The following YAP1 variants were observed in gnomAD, a reference collection of about 807,000 sequenced individuals.
The protein encoded by YAP1 is Yes1 associated transcriptional regulator.
A neutral mutation model predicts 56.9 loss-of-function variants in YAP1; 5 were observed. That is an observed-to-expected ratio of 0.09 (90% CI 0.05 to 0.18). The LOEUF (loss-of-function observed/expected upper bound fraction) is 0.18, where lower values mean the gene tolerates loss of function less well. Among genes scored for constraint, YAP1 ranks in the 10% least tolerant of loss-of-function variants. The pLI is 1.00. For missense variants in YAP1, 539 were observed against 651.8 expected (o/e 0.83, Z 1.88); for synonymous variants, 265 against 248.1 (o/e 1.07, Z -0.64).
In YAP1 at chr11:102,110,631, G is replaced by A. The variant is rs1942828509; in HGVS notation, c.-218G>A. On this transcript the variant is annotated 5_prime_UTR_variant, in exon 1 of 9. Transcript: ENST00000282441. ...GCCTCGCAGCCCCTCCCGAGGCGCA[G>A]CCGCCAGACCAGTGGAGCCGGGGCG... 7.4e-6 allele frequency: 2 copies of A among 269,836 alleles called. No individual in the cohort carries two copies. Among genetic ancestry groups the A allele is most frequent in the African/African-American group, 2.3e-5 (1 of 44,280 alleles). 16.7% of individuals were successfully genotyped at this position (269,836 alleles called of 1,614,324 possible).
intron 2 of YAP1, among the ~76,000 whole-genome samples, chr11:102,158,039 C>T (rs1012773350): frequency 7.9e-5 from 12 of 152,118 alleles, no homozygotes; most frequent in Non-Finnish European, 1.5e-4. Context: ...TCTGACATCA[C>T]GAAATCTTAG....
intron 2 of YAP1, among the ~76,000 whole-genome samples, chr11:102,137,889 T>C (rs561600202): frequency 5.9e-4 from 90 of 152,218 alleles, no homozygotes; most frequent in African/African-American, 2.1e-3. Flanking sequence ...CTTTTTTTTT[T>C]CTTTTTTTAA....
intron 4 of YAP1, among the ~76,000 whole-genome samples, chr11:102,200,610 A>G (rs1047348489): frequency 6.6e-6 from 1 of 151,444 alleles, no homozygotes; most frequent in Non-Finnish European, 1.5e-5. Context: ...ACGCCCAGCT[A>G]ATTTTTATAT....
Position 102,110,879 on chromosome 11 carries a change from C to G in YAP1, c.31C>G (p.Pro11Ala), listed in dbSNP as rs1281367129. 3.5e-6 allele frequency: 5 copies of G among 1,422,164 alleles called. No homozygotes were observed. Among genetic ancestry groups the G allele is most frequent in the Non-Finnish European group, 4.6e-6 (5 of 1,085,628 alleles). The allele number at this position is 1,422,164 out of a possible 1,614,324, so 88.1% of individuals were successfully genotyped here. The change falls in exon 1 of 9, where the codon CCG becomes GCG. Residue 11 changes from proline (P) to alanine (A), a missense_variant. By Grantham distance (27) the Pro-to-Ala change is conservative. Transcript: ENST00000282441. Reference sequence around the variant, plus strand: ...TCCCGGGCAGCAGCCGCCGCCTCAACCGGCCCCCCAGGGCCAAGGGCAGCC... The same window carrying G: ...TCCCGGGCAGCAGCCGCCGCCTCAAGCGGCCCCCCAGGGCCAAGGGCAGCC... Reference protein sequence around the residue: MDPGQQPPPQPAPQGQGQPPS... With the variant: MDPGQQPPPQAAPQGQGQPPS...
chr11:102,187,216 C>T (rs990331720), intron 4 of YAP1, among the ~76,000 whole-genome samples: 1 of 152,108 alleles, frequency 6.6e-6, no homozygotes, highest in Non-Finnish European at 1.5e-5. Flanking sequence ...CTTATATATA[C>T]CTTTAAAAAA....
rs192178768 is a variant in YAP1, at chr11:102,123,794, C to T, written c.572+9400C>T. 2.1e-3 allele frequency among the ~76,000 whole-genome samples: 318 copies of T among 151,774 alleles called. 2 individuals are homozygous for T. Among genetic ancestry groups the T allele is most frequent in the African/African-American group, 7.3e-3 (301 of 41,388 alleles). ...AGCTGGGACTACAGGCACCCACCACCGCGCCCAGCTAAGTTTTTGTATTTT... is the reference window on the plus strand; with the variant it reads ...AGCTGGGACTACAGGCACCCACCACTGCGCCCAGCTAAGTTTTTGTATTTT... On this transcript the variant is annotated intron_variant, in intron 2 of 8. Transcript: ENST00000282441.
intron 2 of YAP1, among the ~76,000 whole-genome samples, chr11:102,114,728 T>C (rs1943169324): frequency 6.6e-6 from 1 of 152,150 alleles, no homozygotes; most frequent in Admixed American, 6.5e-5. Context: ...ACCATGAAAA[T>C]TTTCAAATTC....
At position 102,111,078 on chromosome 11, in the gene YAP1, C is replaced by T. The variant is rs550270505; in HGVS notation, c.230C>T (p.Thr77Met). ...TTCAACGCCGTCATGAACCCCAAGA[C>T]GGCCAACGTGCCCCAGACCGTGCCC... is the stretch of plus-strand genomic sequence containing the variant. ...ALFNAVMNPK[T>M]ANVPQTVPMR... Residue 77 changes from threonine to methionine, a missense_variant, in exon 1 of 9, where the codon ACG becomes ATG. Thr to Met is a moderately conservative substitution (Grantham distance 81, BLOSUM62 -1). Transcript: ENST00000282441. The T allele has an allele frequency of 6.2e-7, 1 of 1,613,390 alleles. No homozygotes were observed. The highest frequency in any genetic ancestry group is 1.1e-5 in the South Asian group (1 of 91,084).
chr11:102,130,706 C>G (rs1591165811), intron 2 of YAP1, among the ~76,000 whole-genome samples: 1 of 145,624 alleles, frequency 6.9e-6, no homozygotes, highest in South Asian at 2.2e-4. Context: ...CCTGACCTCT[C>G]CTGGATAACT....
At chr11:102,216,192 T>A (rs2135662970) in intron 6 of YAP1, among the ~76,000 whole-genome samples, 1 of 152,340 alleles carries the variant, frequency 6.6e-6, no homozygotes, top group African/African-American at 2.4e-5. Context: ...AGTTAAATCA[T>A]GTGTTTCCAT....
At chr11:102,201,721 A>C (rs1948869980) in intron 4 of YAP1, among the ~76,000 whole-genome samples, 1 of 152,202 alleles carries the variant, frequency 6.6e-6, no homozygotes, top group Non-Finnish European at 1.5e-5. Context: ...TTGTTACAAA[A>C]TCAAAGTAAA....
chr11:102,119,869 G>C lies in YAP1; in HGVS notation c.572+5475G>C, dbSNP rs1360974170. On this transcript the variant is annotated intron_variant, in intron 2 of 8. Transcript: ENST00000282441. Reference sequence around the variant, plus strand: ...AAATTTAAGCTTAGGACCAATCAAAGTGAAGTCATTTTAAAAATCAGTTGC... The same window carrying C: ...AAATTTAAGCTTAGGACCAATCAAACTGAAGTCATTTTAAAAATCAGTTGC... Among the ~76,000 whole-genome samples the C allele has an allele frequency of 2.0e-5, 3 of 152,136 alleles. 1 individual carries two copies. Among genetic ancestry groups the C allele is most frequent in the Middle Eastern group, 6.3e-3 (2 of 316 alleles).
chr11:102,114,503 A>C, intron 2 of YAP1, 109 bp downstream of exon 2: 1 of 1,319,034 alleles, frequency 7.6e-7, no homozygotes, highest in African/African-American at 1.5e-5. Context: ...TGTTTTATTT[A>C]ATATTTATGT....
intron 4 of YAP1, among the ~76,000 whole-genome samples, chr11:102,201,836 G>C (rs918090453): frequency 6.6e-6 from 1 of 151,916 alleles, no homozygotes; most frequent in Admixed American, 6.6e-5. Context: ...GTACCCCCTA[G>C]TACGCAGAGT....
chr11:102,206,119 G>C, intron 5 of YAP1, 45 bp downstream of exon 5: 1 of 1,572,624 alleles, frequency 6.4e-7, no homozygotes, highest in Non-Finnish European at 8.7e-7. Context: ...TTGGGGGTTT[G>C]TTTTCTTAAA....
chr11:102,143,521 A>T (rs1227817850), intron 2 of YAP1, among the ~76,000 whole-genome samples: 1 of 152,234 alleles, frequency 6.6e-6, no homozygotes, highest in Non-Finnish European at 1.5e-5. Flanking sequence ...AACATTAGCC[A>T]GCACACCCCC....
chr11:102,162,463 G>A lies in YAP1; in HGVS notation c.580G>A (p.Asp194Asn), dbSNP rs750561016. Residue 194 changes from aspartate to asparagine, a missense_variant, in exon 3 of 9, where the codon GAT becomes AAT. By Grantham distance (23) the Asp-to-Asn change is conservative. This residue lies in a region of YAP1 where 414 missense variants were observed against 512.4 expected (regional missense o/e 0.81). Coordinates refer to ENST00000282441, the MANE Select transcript of YAP1 (RefSeq NM_001130145.3). ...TGGTTTGTTTTGTCTTAGTCACATC[G>A]ATCAGACAACAACATGGCAGGACCC... is the stretch of plus-strand genomic sequence containing the variant. ...SGQRYFLNHI[D>N]QTTTWQDPRK... 5.6e-6 allele frequency: 9 copies of A among 1,613,898 alleles called. No individual in the cohort carries two copies. Among genetic ancestry groups the A allele is most frequent in the South Asian group, 3.3e-5 (3 of 91,068 alleles).
intron 2 of YAP1, among the ~76,000 whole-genome samples, chr11:102,118,165 A>G (rs1350503090): frequency 6.6e-6 from 1 of 152,192 alleles, no homozygotes; most frequent in East Asian, 1.9e-4. Context: ...AAAAGTTTGT[A>G]CATTTGCATT....
intron 2 of YAP1, among the ~76,000 whole-genome samples, chr11:102,134,807 GA>G (rs1411922868): frequency 2.0e-5 from 3 of 152,062 alleles, no homozygotes; most frequent in African/African-American, 7.2e-5. Context: ...CTCCTGGGCT[GA>G]AGCGATCCTC....
Sources: allele counts gnomAD v4.1 joint callset (sites outside exome capture counted in the v4.1 genomes callset), GRCh38; gene constraint gnomAD v4.1.1; regional missense constraint gnomAD v4.1.1; transcripts MANE v1.5; gene names NCBI Gene and HGNC (gene_info 2026-07-23, HGNC 2026-07-21).